Variants in RNF144B observed in about 807,000 individuals in gnomAD.
The protein encoded by RNF144B is ring finger protein 144B, also known as E3 ubiquitin-protein ligase RNF144B.
RNF144B carries 25 observed loss-of-function variants against 40.2 expected under a neutral mutation model. That is an observed-to-expected ratio of 0.62 (90% CI 0.45 to 0.87). RNF144B has a LOEUF of 0.87. Ranked by LOEUF, RNF144B falls within the 40% of genes least tolerant of loss-of-function variation. The probability of loss-of-function intolerance (pLI) is 0.00; values close to 1 mark genes in which losing one functional copy is unlikely to be tolerated. For synonymous variants in RNF144B, 145 were observed against 136.3 expected, an observed-to-expected ratio of 1.06 and a Z score of -0.44; for missense variants, 365 against 373.7, an observed-to-expected ratio of 0.98 and a Z score of 0.19.
In RNF144B at chr6:18,459,676, C is replaced by T. The variant is rs1005552567; in HGVS notation, c.606C>T (p.Arg202=). Reference sequence around the variant, plus strand: ...CAGTTTGCCGGGTTTATATCGAACGCAATGAAGGCTGCGCTCAGATGATGT... The same window carrying T: ...CAGTTTGCCGGGTTTATATCGAACGTAATGAAGGCTGCGCTCAGATGATGT... The part of the protein sequence containing the change: ...QCPVCRVYIE[R]NEGCAQMMCK... The change falls in exon 6 of 8, where the codon CGC becomes CGT. Residue 202 remains arginine, a synonymous_variant. Coordinates refer to ENST00000259939, the MANE Select transcript of RNF144B (RefSeq NM_182757.4). This position sits in a 1 kb window ranked among gnomAD's most constrained non-coding sequence, Gnocchi z 4.2. 6.2e-7 allele frequency: 1 copy of T among 1,613,978 alleles called. No individual in the cohort carries two copies. Among genetic ancestry groups the T allele is most frequent in the African/African-American group, 1.3e-5 (1 of 74,906 alleles).
In RNF144B at chr6:18,444,677, A is replaced by AC. The variant is rs1759039024; in HGVS notation, c.331+4933_331+4934insC. Among the ~76,000 whole-genome samples the AC allele has an allele frequency of 6.6e-6, 1 of 151,022 alleles. No individual in the cohort carries two copies. The highest frequency in any genetic ancestry group is 6.7e-5 in the Admixed American group (1 of 14,934). Reference sequence around the variant, plus strand: ...GTCATATTGTTCTCCTTCATTTAAAAAAAAGTGAAATAGGAAGTTGTCTTT... The same window carrying AC: ...GTCATATTGTTCTCCTTCATTTAAAACAAAAGTGAAATAGGAAGTTGTCTTT... On this transcript the variant is annotated intron_variant, in intron 4 of 7. Coordinates refer to ENST00000259939, the MANE Select transcript of RNF144B (RefSeq NM_182757.4). The surrounding 1 kb of genome is among the most constrained non-coding windows in gnomAD (Gnocchi z 4.3).
rs1794904852 is a variant in RNF144B, at chr6:18,406,345, C to G, written c.165+6646C>G. ...TGAAGGAAATGGGGAACAAGCCATA[C>G]AGATATCTGGGAGAAGAGGGTTGTA... On this transcript the variant is annotated intron_variant, in intron 2 of 7. Coordinates refer to ENST00000259939, the MANE Select transcript of RNF144B (RefSeq NM_182757.4). This position sits in a 1 kb window ranked among gnomAD's most constrained non-coding sequence, Gnocchi z 4.2. Among the ~76,000 whole-genome samples the G allele has an allele frequency of 6.6e-6, 1 of 151,856 alleles. No homozygotes were observed. The highest frequency in any genetic ancestry group is 2.4e-5 in the African/African-American group (1 of 41,324).
chr6:18,426,591 C>G (rs1420283581), intron 2 of RNF144B, among the ~76,000 whole-genome samples: 1 of 152,166 alleles, frequency 6.6e-6, no homozygotes, highest in African/African-American at 2.4e-5. Flanking sequence ...AACTTTGTTC[C>G]TGGTGTTCTC....
At chr6:18,407,206 A>G (rs1478410468) in intron 2 of RNF144B, among the ~76,000 whole-genome samples, 1 of 152,178 alleles carries the variant, frequency 6.6e-6, no homozygotes, top group Non-Finnish European at 1.5e-5. Flanking sequence ...TGTGGCCAAG[A>G]TGACACACAA....
At chr6:18,438,719 C>A (rs1758883246) in intron 3 of RNF144B, among the ~76,000 whole-genome samples, 1 of 152,026 alleles carries the variant, frequency 6.6e-6, no homozygotes, top group African/African-American at 2.4e-5. Context: ...GCAAGAACGT[C>A]AATGTAGGTG....
rs1795103377 is a variant in RNF144B, at chr6:18,414,244, C to T, written c.166-13337C>T. On this transcript the variant is annotated intron_variant, in intron 2 of 7. Transcript: ENST00000259939. This position sits in a 1 kb window ranked among gnomAD's most constrained non-coding sequence, Gnocchi z 4.9. ...CAACCTTTTCTACTTTTTCAGAGTTCAGTTCTCTTAAATCTAAGAGATTCT... is the reference window on the plus strand; with the variant it reads ...CAACCTTTTCTACTTTTTCAGAGTTTAGTTCTCTTAAATCTAAGAGATTCT... 6.6e-6 allele frequency among the ~76,000 whole-genome samples: 1 copy of T among 152,152 alleles called. No individual in the cohort carries two copies.
Position 18,414,085 on chromosome 6 carries a change from G to A in RNF144B, c.166-13496G>A, listed in dbSNP as rs1051931520. On this transcript the variant is annotated intron_variant, in intron 2 of 7. Transcript: ENST00000259939. The surrounding 1 kb of genome is among the most constrained non-coding windows in gnomAD (Gnocchi z 4.9). ...CCTCGGGGGAATATTGTGAGGTGAG[G>A]AATAGTCGTGGTCTTGATGCAATGT... 2.0e-5 allele frequency among the ~76,000 whole-genome samples: 3 copies of A among 152,180 alleles called. No homozygotes were observed. Among genetic ancestry groups the A allele is most frequent in the African/African-American group, 7.2e-5 (3 of 41,436 alleles).
At chr6:18,415,837 G>A (rs1156566126) in intron 2 of RNF144B, among the ~76,000 whole-genome samples, 1 of 151,778 alleles carries the variant, frequency 6.6e-6, no homozygotes, top group Non-Finnish European at 1.5e-5. Context: ...TACTAACTTG[G>A]GTTTTGTTTT....
chr6:18,397,418 C>G (rs1055977217), intron 1 of RNF144B, among the ~76,000 whole-genome samples: 2 of 152,256 alleles, frequency 1.3e-5, no homozygotes, highest in South Asian at 2.1e-4. Flanking sequence ...GAATTGGCCA[C>G]TCTTTAAAAA....
At chr6:18,397,948 A>C (rs1287652862) in intron 1 of RNF144B, among the ~76,000 whole-genome samples, 1 of 152,044 alleles carries the variant, frequency 6.6e-6, no homozygotes, top group Non-Finnish European at 1.5e-5. Context: ...CATCATCCCA[A>C]GCAGAAACTC....
At chr6:18,455,611 C>T (rs910224585) in intron 4 of RNF144B, among the ~76,000 whole-genome samples, 1 of 152,002 alleles carries the variant, frequency 6.6e-6, no homozygotes, top group African/African-American at 2.4e-5. Flanking sequence ...TGCAAAATAC[C>T]TGAGTTCAGA....
chr6:18,446,840 GGTGTGTGTGTGTGTGT>G lies in RNF144B; in HGVS notation c.331+7115_331+7130del, dbSNP rs70974744. 3.4e-5 allele frequency among the ~76,000 whole-genome samples: 5 copies of G among 147,892 alleles called. No individual in the cohort carries two copies. The highest frequency in any genetic ancestry group is 6.0e-5 in the Non-Finnish European group (4 of 66,830). ...TAAAGTTTTATTGGTTCTATTTTAG[GGTGTGTGTGTGTGTGT>G]GTGTGTGTGTGTGTGTGTCTGTGTG... On this transcript the variant is annotated intron_variant, in intron 4 of 7. Transcript: ENST00000259939. The surrounding 1 kb of genome is among the most constrained non-coding windows in gnomAD (Gnocchi z 4.7).
rs1294148003 is a variant in RNF144B, at chr6:18,465,928, T to A, written c.*861T>A. The A allele has an allele frequency of 6.6e-6, 1 of 152,206 alleles. No homozygotes were observed. Among genetic ancestry groups the A allele is most frequent in the Non-Finnish European group, 1.5e-5 (1 of 68,050 alleles). 9.4% of individuals were successfully genotyped at this position (152,206 alleles called of 1,614,324 possible). ...TCTGGGACCTTTCTCAGGATCTGTG[T>A]TCACACAGCCAATAGATTTGGAATC... On this transcript the variant is annotated 3_prime_UTR_variant, in exon 8 of 8. Coordinates refer to ENST00000259939, the MANE Select transcript of RNF144B (RefSeq NM_182757.4).
chr6:18,433,217 T>C (rs1464481786), intron 3 of RNF144B, among the ~76,000 whole-genome samples: 1 of 152,162 alleles, frequency 6.6e-6, no homozygotes, highest in East Asian at 1.9e-4. Context: ...AGAGGCCATA[T>C]TCCTGTTACT....
chr6:18,406,175 A>G lies in RNF144B; in HGVS notation c.165+6476A>G. 3 of 518,850 alleles carry G rather than the reference A, an allele frequency of 5.8e-6. No homozygotes were observed. Among genetic ancestry groups the G allele is most frequent in the East Asian group, 1.1e-4 (2 of 18,346 alleles). The allele number at this position is 518,850 out of a possible 1,614,324, so 32.1% of individuals were successfully genotyped here. On this transcript the variant is annotated intron_variant, in intron 2 of 7. Transcript: ENST00000259939. This position sits in a 1 kb window ranked among gnomAD's most constrained non-coding sequence, Gnocchi z 4.2. ...CTTTTCGTATGAGACATAGATGCTA[A>G]CAAGTAAATACAGAAGTCAGGTGAT...
In RNF144B at chr6:18,405,001, C is replaced by T. The variant is rs1018295304; in HGVS notation, c.165+5302C>T. On this transcript the variant is annotated intron_variant, in intron 2 of 7. Transcript: ENST00000259939. The surrounding 1 kb of genome is among the most constrained non-coding windows in gnomAD (Gnocchi z 4.5). ...CTGGTCATGAGACCTGCCAACCTTT[C>T]CCAAAGCTTTCAAATTCTCCAGCTC... is the stretch of plus-strand genomic sequence containing the variant. Among the ~76,000 whole-genome samples, 6 of 152,040 alleles carry T rather than the reference C, an allele frequency of 3.9e-5. No homozygotes were observed. The highest frequency in any genetic ancestry group is 1.4e-4 in the African/African-American group (6 of 41,408).
chr6:18,408,146 G>A (rs559437989), intron 2 of RNF144B, among the ~76,000 whole-genome samples: 9 of 151,778 alleles, frequency 5.9e-5, no homozygotes, highest in South Asian at 2.1e-4. Context: ...CACCATGCCC[G>A]GCTAATTTTT....
At chr6:18,453,787 C>G (rs143473759) in intron 4 of RNF144B, among the ~76,000 whole-genome samples, 1 of 152,284 alleles carries the variant, frequency 6.6e-6, no homozygotes, top group East Asian at 1.9e-4. Flanking sequence ...ATGCTTTAAT[C>G]TCGTTGATAA....
chr6:18,432,454 C>T (rs1183221929), intron 3 of RNF144B, among the ~76,000 whole-genome samples: 1 of 152,220 alleles, frequency 6.6e-6, no homozygotes, highest in Admixed American at 6.5e-5. Flanking sequence ...TTAGCTTTTG[C>T]TCTGCAGAGC....
Sources: gnomAD v4.1 joint callset for allele counts (sites outside exome capture counted in the v4.1 genomes callset) on GRCh38, gnomAD v4.1.1 for gene constraint, Gnocchi (gnomAD v3.1) non-coding constraint, MANE v1.5 for transcripts, NCBI Gene and HGNC (gene_info 2026-07-23, HGNC 2026-07-21) for gene names.